HIP1R: variants seen among roughly 807,000 people sequenced by gnomAD.
The protein encoded by HIP1R is huntingtin interacting protein 1 related, also known as huntingtin-interacting protein 1-related protein.
Under a neutral mutation model 144.2 loss-of-function variants are expected in HIP1R, and 135 were observed. The ratio of observed to expected loss-of-function variants is 0.94; its 90% confidence interval spans 0.81 to 1.08. The LOEUF (loss-of-function observed/expected upper bound fraction) is 1.08. Among genes scored for constraint, HIP1R ranks in the 50% least tolerant of loss-of-function variants. HIP1R has a pLI of 0.00. For synonymous variants in HIP1R, 698 were observed against 612.8 expected (o/e 1.14, Z -2.05); for missense variants, 1,462 against 1,432.8 (o/e 1.02, Z -0.33).
intron 2 of HIP1R, among the ~76,000 whole-genome samples, 166 bp from the exon 3 acceptor site, chr12:122,848,300 C>T (rs1383391772): frequency 6.6e-6 from 1 of 152,244 alleles, no homozygotes; most frequent in Non-Finnish European, 1.5e-5. Flanking sequence ...CTTGTCTTGC[C>T]CTAACTCCTG....
intron 23 of HIP1R, 56 bp downstream of exon 23, chr12:122,859,592 G>T: frequency 6.9e-7 from 1 of 1,439,278 alleles, no homozygotes; most frequent in South Asian, 1.2e-5. Context: ...GGGGCCGGAG[G>T]CCCCAACTGG....
chr12:122,861,289 G>A lies in HIP1R; in HGVS notation c.2953-19G>A, dbSNP rs1262822540. On this transcript the variant is annotated intron_variant, in intron 30 of 31. Coordinates refer to ENST00000253083, the MANE Select transcript of HIP1R (RefSeq NM_003959.3). ...CCCTGGGGAGGCTGGGCTGGGCTGA[G>A]CAGGCCGTGTGGCTACAGGTGCGTG... 4.3e-6 allele frequency: 7 copies of A among 1,613,640 alleles called. 2 individuals carry two copies. The Admixed American group carries it at 1.2e-4, about 27-fold the overall frequency.
Position 122,859,026 on chromosome 12 carries a change from G to GC in HIP1R, c.2159-35_2159-34insC, listed in dbSNP as rs1555263642. On this transcript the variant is annotated intron_variant, in intron 21 of 31. Transcript: ENST00000253083. ...GGGGTCCTTATGGAGCCTGTCGGTG[G>GC]GGGGGGCTCCACTCACGGTCCTTTC... The GC allele has an allele frequency of 4.4e-5, 64 of 1,460,088 alleles. No homozygotes were observed. In the East Asian group the frequency reaches 4.8e-4, roughly 11 times the overall value. The allele number at this position is 1,460,088 out of a possible 1,614,324, so 90.4% of individuals were successfully genotyped here.
chr12:122,860,287 C>T, intron 26 of HIP1R, 77 bp downstream of exon 26: 1 of 1,534,550 alleles, frequency 6.5e-7, no homozygotes, highest in Non-Finnish European at 8.8e-7. Context: ...GCATGAGACC[C>T]TCCACCCCCT....
chr12:122,854,019 C>T (rs368515310), intron 7 of HIP1R, 24 bp from the exon 8 acceptor site: 8 of 1,609,594 alleles, frequency 5.0e-6, no homozygotes, highest in Non-Finnish European at 5.9e-6. Context: ...GGCTCACGTT[C>T]TTCCTCCTGC....
intron 2 of HIP1R, 65 bp from the exon 3 acceptor site, chr12:122,848,401 T>A: frequency 6.4e-7 from 1 of 1,551,702 alleles, no homozygotes; most frequent in Non-Finnish European, 8.7e-7. Flanking sequence ...CTGGCCTCTC[T>A]CAGCCGGGTT....
chr12:122,853,976 G>A, intron 7 of HIP1R, 67 bp from the exon 8 acceptor site: 1 of 1,537,632 alleles, frequency 6.5e-7, no homozygotes, highest in South Asian at 1.2e-5. Flanking sequence ...CTTCACAGTT[G>A]GACCACCTTG....
Position 122,855,628 on chromosome 12 carries a change from G to A in HIP1R, c.1055+16G>A. On this transcript the variant is annotated intron_variant, in intron 12 of 31. Coordinates refer to ENST00000253083, the MANE Select transcript of HIP1R (RefSeq NM_003959.3). Reference sequence around the variant, plus strand: ...AGGACGACAGGTGAGGGCTGGAGGAGCCGACTGGGCTGGGGGTGGTTGGAA... The same window carrying A: ...AGGACGACAGGTGAGGGCTGGAGGAACCGACTGGGCTGGGGGTGGTTGGAA... The A allele has an allele frequency of 6.5e-7, 1 of 1,549,988 alleles. No homozygotes were observed. The highest frequency in any genetic ancestry group is 1.2e-5 in the South Asian group (1 of 84,006).
chr12:122,849,285 C>T (rs983854614), intron 4 of HIP1R, among the ~76,000 whole-genome samples: 4 of 152,278 alleles, frequency 2.6e-5, no homozygotes, highest in African/African-American at 7.2e-5. Context: ...TGCAAGACCT[C>T]AGGAGTTAGA....
upstream of HIP1R, chr12:122,834,889 C>T (rs1276231793): frequency 1.8e-6 from 2 of 1,134,576 alleles, no homozygotes; most frequent in Non-Finnish European, 2.4e-6. Context: ...TGCCTTTTGA[C>T]ACATACATTA....
intron 17 of HIP1R, 28 bp from the exon 18 acceptor site, chr12:122,856,993 C>T (rs774561201): frequency 6.5e-7 from 1 of 1,545,586 alleles, no homozygotes; most frequent in South Asian, 1.2e-5. Flanking sequence ...GCTCTGTTCA[C>T]ATGCCTGGTG....
At chr12:122,856,804 C>T in intron 17 of HIP1R, 78 bp downstream of exon 17, 1 of 1,272,804 alleles carries the variant, frequency 7.9e-7, no homozygotes, top group Non-Finnish European at 1.1e-6. Context: ...TTCCCGTGAA[C>T]AGGCCCCACC....
intron 12 of HIP1R, 34 bp from the exon 13 acceptor site, chr12:122,855,797 G>A: frequency 1.9e-6 from 3 of 1,548,896 alleles, no homozygotes; most frequent in Non-Finnish European, 2.6e-6. Flanking sequence ...TGTTCTGGTT[G>A]ACTTAACTTG....
rs868673803 is a variant in HIP1R, at chr12:122,856,463, C to T, written c.1433C>T (p.Thr478Met). ...GACACAGCCAAGCAGCTGACGGTGA[C>T]GCAGCAAAGCCAGGAGGAGGTGGCG... is the stretch of plus-strand genomic sequence containing the variant. ...NADTAKQLTV[T>M]QQSQEEVARV... The change falls in exon 16 of 32, where the codon ACG becomes ATG. Residue 478 changes from threonine (T) to methionine (M), a missense_variant. Around this residue, in one of 2 missense-constraint regions of HIP1R, gnomAD observed 1,112 missense variants for 1,011.7 expected, o/e 1.10. Coordinates refer to ENST00000253083, the MANE Select transcript of HIP1R (RefSeq NM_003959.3). 30 of 1,588,900 alleles carry T rather than the reference C, an allele frequency of 1.9e-5. No individual in the cohort carries two copies. Among genetic ancestry groups the T allele is most frequent in the Admixed American group, 7.2e-5 (4 of 55,200 alleles).
chr12:122,856,283 A>AC lies in HIP1R; in HGVS notation c.1341dup (p.Asn448GlnfsTer9). On this transcript the variant is annotated frameshift_variant, in exon 15 of 32. Transcript: ENST00000253083. LOFTEE classifies it high-confidence loss of function. ...AAGGCCAGTGCCACGGAGGCGCGCTACAACAAGCTGAAGGAAAAGCACAGT... is the reference window on the plus strand; with the variant it reads ...AAGGCCAGTGCCACGGAGGCGCGCTACCAACAAGCTGAAGGAAAAGCACAGT... The AC allele has an allele frequency of 1.2e-6, 2 of 1,613,836 alleles. No individual in the cohort carries two copies. The highest frequency in any genetic ancestry group is 1.7e-6 in the Non-Finnish European group (2 of 1,179,978).
chr12:122,838,739 A>AG (rs2135627832), intron 1 of HIP1R, among the ~76,000 whole-genome samples: 1 of 152,356 alleles, frequency 6.6e-6, no homozygotes, highest in South Asian at 2.1e-4. Flanking sequence ...CTGGGCTACC[A>AG]GGTGGGCTCA....
Position 122,862,943 on chromosome 12 carries a change from C to CTT in HIP1R, c.*1192_*1193dup, listed in dbSNP as rs1299318359. 6.6e-6 allele frequency: 1 copy of CTT among 152,270 alleles called. No homozygotes were observed. The highest frequency in any genetic ancestry group is 6.5e-5 in the Admixed American group (1 of 15,286). 9.4% of individuals were successfully genotyped at this position (152,270 alleles called of 1,614,324 possible). A position where few individuals can be genotyped will look rare whatever the true frequency, so the allele number is the denominator to read the frequency against. On this transcript the variant is annotated 3_prime_UTR_variant, in exon 32 of 32. Transcript: ENST00000253083. ...AGTGTTCTGTTGGCAATAAAATGCA[C>CTT]TTTGACTGTTTGTTGTCACTGATGC...
rs764797872 is a variant in HIP1R, at chr12:122,856,330, G to T, written c.1387G>T (p.Glu463Ter). 6.8e-6 allele frequency: 11 copies of T among 1,613,858 alleles called. No homozygotes were observed. Among genetic ancestry groups the T allele is most frequent in the Non-Finnish European group, 7.6e-6 (9 of 1,179,994 alleles). Residue 463 changes from glutamate to a stop codon, truncating the protein, a stop_gained, in exon 15 of 32, where the codon GAG (glutamate) becomes TAG (stop). Transcript: ENST00000253083. LOFTEE classifies it high-confidence loss of function. The stretch of plus-strand genomic sequence containing the variant: ...CAGTGAGCTCGTCCATGTGCACGCG[G>T]AGCTGCTCAGAAAGGTAGGTGCAGC... ...KHSELVHVHA[E>*]LLRKNADTAK...
intron 7 of HIP1R, 117 bp downstream of exon 7, chr12:122,851,414 C>G (rs1002101861): frequency 1.3e-5 from 11 of 821,956 alleles, no homozygotes; most frequent in Non-Finnish European, 1.8e-5. Flanking sequence ...TGAAATGACC[C>G]TGGCCAGCCG....
Sources: allele counts gnomAD v4.1 joint callset (sites outside exome capture counted in the v4.1 genomes callset), GRCh38; gene constraint gnomAD v4.1.1; regional missense constraint gnomAD v4.1.1; transcripts MANE v1.5; gene names NCBI Gene and HGNC (gene_info 2026-07-23, HGNC 2026-07-21).